The following SLC24A2 variants were observed in gnomAD, a reference collection of about 807,000 sequenced individuals.
The protein encoded by SLC24A2 is sodium/potassium/calcium exchanger 2.
SLC24A2 carries 36 observed loss-of-function variants against 62.0 expected under a neutral mutation model. The ratio of observed to expected loss-of-function variants is 0.58; its 90% confidence interval spans 0.44 to 0.77. The LOEUF (loss-of-function observed/expected upper bound fraction) is 0.77, where lower values mean the gene tolerates loss of function less well. Among genes scored for constraint, SLC24A2 ranks in the 30% least tolerant of loss-of-function variants. The probability of loss-of-function intolerance (pLI) is 0.00; values close to 1 mark genes in which losing one functional copy is unlikely to be tolerated. For missense variants in SLC24A2, 846 were observed against 817.9 expected (o/e 1.03, Z -0.42); for synonymous variants, 358 against 294.0 (o/e 1.22, Z -2.23).
At chr9:20,144,176 A>G in the SLC24A2 span, among the ~76,000 whole-genome samples, 1 of 152,214 alleles carries the variant, frequency 6.6e-6, no homozygotes. Context: ...TGGACCCTCT[A>G]TGAAAACCCA....
chr9:19,882,691 G>C, the SLC24A2 span, among the ~76,000 whole-genome samples: 2 of 151,210 alleles, frequency 1.3e-5, no homozygotes, highest in Non-Finnish European at 2.9e-5. Context: ...TAGAGAATAG[G>C]TTTCCACCAC....
At chr9:20,053,899 G>A in the SLC24A2 span, among the ~76,000 whole-genome samples, 145 of 152,304 alleles carry the variant, frequency 9.5e-4, no homozygotes, top group South Asian at 4.4e-3. Context: ...CACATTAGCT[G>A]CTTTCCAATT....
chr9:20,066,421 G>A, the SLC24A2 span, among the ~76,000 whole-genome samples: 5 of 152,242 alleles, frequency 3.3e-5, no homozygotes, highest in Admixed American at 1.3e-4. Flanking sequence ...ATTAGAAAGG[G>A]GGGAAACGGG....
the SLC24A2 span, among the ~76,000 whole-genome samples, chr9:19,864,312 C>T: frequency 6.6e-6 from 1 of 151,356 alleles, no homozygotes; most frequent in Non-Finnish European, 1.5e-5. Flanking sequence ...GGGAATACTT[C>T]AAACTCATTC....
At chr9:20,265,174 G>A in the SLC24A2 span, among the ~76,000 whole-genome samples, 13 of 152,232 alleles carry the variant, frequency 8.5e-5, no homozygotes, top group East Asian at 1.7e-3. Flanking sequence ...GTGAGGATTA[G>A]AAAGGACGGA....
intron 7 of SLC24A2, among the ~76,000 whole-genome samples, chr9:19,554,969 G>A (rs1164432615): frequency 1.3e-5 from 2 of 152,136 alleles, no homozygotes; most frequent in African/African-American, 4.8e-5. Context: ...GAATTACATA[G>A]GAAGCAGGAA....
At position 19,516,539 on chromosome 9, in the gene SLC24A2, T is replaced by C. The variant is rs138406283; in HGVS notation, c.1737-137A>G. 5.3e-5 allele frequency: 58 copies of C among 1,097,960 alleles called. No homozygotes were observed. The Admixed American group carries it at 1.3e-3, about 24-fold the overall frequency. 68.0% of individuals were successfully genotyped at this position (1,097,960 alleles called of 1,614,324 possible). A position where few individuals can be genotyped will look rare whatever the true frequency, so the allele number is the denominator to read the frequency against. On this transcript the variant is annotated intron_variant, in intron 10 of 10. Coordinates refer to ENST00000341998, the MANE Select transcript of SLC24A2 (RefSeq NM_020344.4). ...AAAGGGTGTCTTGTTAGGTTCACTA[T>C]GACTCGGGCATGGTTGGCCCAGGAA...
the SLC24A2 span, among the ~76,000 whole-genome samples, chr9:19,837,010 C>CT: frequency 6.6e-6 from 1 of 152,012 alleles, no homozygotes; most frequent in Non-Finnish European, 1.5e-5. Context: ...CAGAAAAGGC[C>CT]TTGACAAAAT....
chr9:19,558,586 T>C (rs548113489), intron 7 of SLC24A2, among the ~76,000 whole-genome samples: 6 of 152,202 alleles, frequency 3.9e-5, no homozygotes, highest in Non-Finnish European at 8.8e-5. Context: ...CTGTAGAAGA[T>C]GGATTAAGCC....
chr9:19,602,115 C>G (rs928838882), intron 4 of SLC24A2, among the ~76,000 whole-genome samples: 1 of 152,172 alleles, frequency 6.6e-6, no homozygotes, highest in African/African-American at 2.4e-5. Context: ...CTAATCCAGA[C>G]TTTGCTTTTT....
intron 7 of SLC24A2, among the ~76,000 whole-genome samples, chr9:19,557,881 T>G (rs953113010): frequency 6.6e-6 from 1 of 151,596 alleles, no homozygotes; most frequent in East Asian, 1.9e-4. Context: ...TGCAGTGGCA[T>G]GATCTCAGCT....
chr9:20,288,770 A>C, the SLC24A2 span, among the ~76,000 whole-genome samples: 1 of 151,134 alleles, frequency 6.6e-6, no homozygotes. Flanking sequence ...AAAAGAATGC[A>C]ATGGAAGAGA....
intron 7 of SLC24A2, among the ~76,000 whole-genome samples, chr9:19,563,870 C>T (rs907775319): frequency 1.5e-5 from 2 of 133,446 alleles, no homozygotes; most frequent in Non-Finnish European, 3.2e-5. Context: ...CCCTCCTTTC[C>T]TTTCGATGGG....
the SLC24A2 span, among the ~76,000 whole-genome samples, chr9:20,210,417 T>C: frequency 2.0e-5 from 3 of 152,014 alleles, no homozygotes; most frequent in African/African-American, 4.8e-5. Flanking sequence ...TTTGGCTAAA[T>C]AGCATTTAAA....
rs754652179 is a variant in SLC24A2 at position 19,786,503 on chromosome 9, T to C, written c.364A>G (p.Lys122Glu). 2 of 1,614,230 alleles carry C rather than the reference T, an allele frequency of 1.2e-6. No homozygotes were observed. Among genetic ancestry groups the C allele is most frequent in the Non-Finnish European group, 1.7e-6 (2 of 1,180,038 alleles). Reference sequence around the variant, plus strand: ...CTCTCCTCAAGGGAAAAGATGTCTTTCGGGTAGTCTCCTTGGGCGTGATCT... The same window carrying C: ...CTCTCCTCAAGGGAAAAGATGTCTTCCGGGTAGTCTCCTTGGGCGTGATCT... ...STDHAQGDYP[K>E]DIFSLEERRK... The change falls in exon 2 of 11, where the codon AAA becomes GAA. Residue 122 changes from lysine to glutamate, a missense_variant. By Grantham distance (56) the Lys-to-Glu change is moderately conservative. Transcript: ENST00000341998. This position sits in a 1 kb window ranked among gnomAD's most constrained non-coding sequence, Gnocchi z 5.0.
chr9:19,789,559 G>A (rs1454598591), upstream of SLC24A2, among the ~76,000 whole-genome samples: 1 of 152,200 alleles, frequency 6.6e-6, no homozygotes, highest in Non-Finnish European at 1.5e-5. Context: ...TTTCATGGGT[G>A]ATGAAAGTGA....
At chr9:20,085,547 AAGCATGCTGTTCAAAAT>A in the SLC24A2 span, among the ~76,000 whole-genome samples, 1 of 152,178 alleles carries the variant, frequency 6.6e-6, no homozygotes, top group South Asian at 2.1e-4. Flanking sequence ...TTAATTACAT[AAGCATGCTGTTCAAAAT>A]ACTTAAGTAG....
At chr9:19,812,510 A>C in the SLC24A2 span, among the ~76,000 whole-genome samples, 3 of 152,026 alleles carry the variant, frequency 2.0e-5, no homozygotes, top group Non-Finnish European at 4.4e-5. Flanking sequence ...TAGAACTTTC[A>C]TTTGATTCTT....
the SLC24A2 span, among the ~76,000 whole-genome samples, chr9:19,993,820 AAC>A: frequency 6.6e-6 from 1 of 152,340 alleles, no homozygotes; most frequent in Middle Eastern, 3.4e-3. Context: ...TACCACTAGT[AAC>A]AGAGCCTTGA....
Sources: allele counts gnomAD v4.1 joint callset (sites outside exome capture counted in the v4.1 genomes callset), GRCh38; gene constraint gnomAD v4.1.1; non-coding constraint Gnocchi (gnomAD v3.1); transcripts MANE v1.5; gene names NCBI Gene and HGNC (gene_info 2026-07-23, HGNC 2026-07-21).